The following ANKRD18B variants were observed in gnomAD, a reference collection of about 807,000 sequenced individuals.
The protein encoded by ANKRD18B is ankyrin repeat domain-containing protein 18B.
Under a neutral mutation model 111.8 loss-of-function variants are expected in ANKRD18B, and 75 were observed. That is an observed-to-expected ratio of 0.67 (90% confidence interval 0.56 to 0.81). The LOEUF is 0.81. Among genes scored for constraint, ANKRD18B ranks in the 40% least tolerant of loss-of-function variants. The probability of loss-of-function intolerance (pLI) is 0.00; values close to 1 mark genes in which losing one functional copy is unlikely to be tolerated. For synonymous variants in ANKRD18B, 356 were observed against 417.3 expected, an observed-to-expected ratio of 0.85 and a Z score of 1.79; for missense variants, 1,038 against 1,225.5, an observed-to-expected ratio of 0.85 and a Z score of 2.28.
rs1487353582 is a variant in ANKRD18B at position 33,548,628 on chromosome 9, G to A, written c.1840G>A (p.Glu614Lys). The change falls in exon 11 of 19, where the codon GAG becomes AAG. Residue 614 changes from glutamate (E) to lysine (K), a missense_variant. By Grantham distance (56) the Glu-to-Lys change is moderately conservative. This residue lies in a region of ANKRD18B where 524 missense variants were observed against 677.9 expected (regional missense o/e 0.77). Transcript: ENST00000684830. The part of the protein sequence containing the change: ...SQSIGKQNSS[E>K]ERIRQRELEN... ...ATCCATTGGAAAGCAGAACTCTTCA[G>A]AGGAGAGAATACGTCAACGAGAACT... 1 of 1,551,428 alleles carries A rather than the reference G, an allele frequency of 6.4e-7. No homozygotes were observed. The highest frequency in any genetic ancestry group is 1.2e-5 in the South Asian group (1 of 84,030).
At chr9:33,567,674 A>T (rs976111768) in intron 16 of ANKRD18B, among the ~76,000 whole-genome samples, 5 of 152,146 alleles carry the variant, frequency 3.3e-5, no homozygotes, top group Non-Finnish European at 7.4e-5. Context: ...AATGAGTTTA[A>T]TTTATTTTTT....
intron 17 of ANKRD18B, chr9:33,569,155 T>C (rs540962575): frequency 3.2e-6 from 1 of 310,152 alleles, no homozygotes; most frequent in East Asian, 6.1e-5. Context: ...AAAAGCTGCA[T>C]TTGTTAGGTT....
At chr9:33,533,884 CATT>C (rs57494608) in intron 4 of ANKRD18B, 22,438 of 127,780 alleles carry the variant, frequency 0.18, 1,351 homozygotes, top group East Asian at 0.26. Context: ...TTACCATTAT[CATT>C]ATTATTATTA....
downstream of ANKRD18B, among the ~76,000 whole-genome samples, chr9:33,573,468 T>C (rs1466197704): frequency 1.4e-5 from 2 of 144,756 alleles, no homozygotes; most frequent in African/African-American, 4.9e-5. Context: ...GTCTGCCAAA[T>C]GTCCCTCCCT....
chr9:33,564,994 C>T lies in ANKRD18B; in HGVS notation c.2461-1225C>T, dbSNP rs908331256. On this transcript the variant is annotated intron_variant, in intron 14 of 18. Coordinates refer to ENST00000684830, the MANE Select transcript of ANKRD18B (RefSeq NM_001393611.1). The stretch of plus-strand genomic sequence containing the variant: ...TGAATAGCTTGAAAATGTTTTCTTC[C>T]ATTCTACAGGTTTTCTCTTCACTCA... 2.0e-5 allele frequency among the ~76,000 whole-genome samples: 3 copies of T among 152,214 alleles called. No individual in the cohort carries two copies. In the South Asian group the frequency reaches 6.2e-4, roughly 32 times the overall value.
chr9:33,558,206 AT>A lies in ANKRD18B; in HGVS notation c.2460+23del, dbSNP rs1828555600. 6.3e-7 allele frequency: 1 copy of A among 1,590,742 alleles called. No homozygotes were observed. The highest frequency in any genetic ancestry group is 8.6e-7 in the Non-Finnish European group (1 of 1,168,952). ...ACAGAAGGTAATTTAAAAAATTATTATTTTATCTTAAGGTCTAGATTACATG... is the reference window on the plus strand; with the variant it reads ...ACAGAAGGTAATTTAAAAAATTATTATTTATCTTAAGGTCTAGATTACATG... On this transcript the variant is annotated intron_variant, in intron 14 of 18. Coordinates refer to ENST00000684830, the MANE Select transcript of ANKRD18B (RefSeq NM_001393611.1).
rs1828077589 is a variant in ANKRD18B, at chr9:33,529,320, A to G, written c.495+147A>G. 3.3e-6 allele frequency: 4 copies of G among 1,207,076 alleles called. No homozygotes were observed. The Admixed American group carries it at 9.1e-5, about 27-fold the overall frequency. The allele number at this position is 1,207,076 out of a possible 1,614,324, so 74.8% of individuals were successfully genotyped here. A position where few individuals can be genotyped will look rare whatever the true frequency, so the allele number is the denominator to read the frequency against. On this transcript the variant is annotated intron_variant, in intron 3 of 18. Coordinates refer to ENST00000684830, the MANE Select transcript of ANKRD18B (RefSeq NM_001393611.1). ...GTCTAAAATTTTACTTTAAATGTTG[A>G]TACTTTTAAAGGAGCATTAGAGGGC...
intron 10 of ANKRD18B, 29 bp downstream of exon 10, chr9:33,543,284 A>T: frequency 1.3e-6 from 2 of 1,521,580 alleles, no homozygotes; most frequent in African/African-American, 2.8e-5. Flanking sequence ...TTCTGGTTTA[A>T]TATTGGTTTG....
intron 8 of ANKRD18B, among the ~76,000 whole-genome samples, chr9:33,540,422 G>A (rs1027517807): frequency 1.3e-5 from 2 of 152,186 alleles, no homozygotes; most frequent in East Asian, 3.8e-4. Flanking sequence ...AGCAAATGTA[G>A]TTATATGATT....
chr9:33,540,799 C>T (rs1368708449), intron 8 of ANKRD18B, among the ~76,000 whole-genome samples: 3 of 151,980 alleles, frequency 2.0e-5, no homozygotes, highest in South Asian at 2.1e-4. Flanking sequence ...GTGTGAAAGC[C>T]GTCATAGGTA....
chr9:33,528,963 A>C (rs1483192584), intron 2 of ANKRD18B, 37 bp from the exon 3 acceptor site: 1 of 1,608,274 alleles, frequency 6.2e-7, no homozygotes, highest in Non-Finnish European at 8.5e-7. Flanking sequence ...TTGAATTCTT[A>C]GAATTTATAG....
intron 1 of ANKRD18B, among the ~76,000 whole-genome samples, chr9:33,527,232 T>C (rs1452584287): frequency 6.6e-6 from 1 of 152,232 alleles, no homozygotes; most frequent in Non-Finnish European, 1.5e-5. Flanking sequence ...ATATATTCTG[T>C]AAATCTTAAG....
At chr9:33,537,292 A>C (rs1418108844) in intron 6 of ANKRD18B, among the ~76,000 whole-genome samples, 18 of 152,150 alleles carry the variant, frequency 1.2e-4, no homozygotes, top group African/African-American at 4.3e-4. Context: ...GCAAGACTCT[A>C]TCTCCAAAGA....
chr9:33,524,992 G>A (rs144952206), intron 1 of ANKRD18B, among the ~76,000 whole-genome samples: 3,046 of 152,280 alleles, frequency 0.02, 86 homozygotes, highest in African/African-American at 0.068. Flanking sequence ...TTTTCAGTAG[G>A]CGAAGAGTTC....
intron 14 of ANKRD18B, among the ~76,000 whole-genome samples, chr9:33,564,569 GT>G (rs1243269322): frequency 2.0e-5 from 3 of 152,278 alleles, no homozygotes; most frequent in East Asian, 1.9e-4. Flanking sequence ...CAGTAGTGGG[GT>G]TGCTGGATCC....
intron 17 of ANKRD18B, 59 bp downstream of exon 17, chr9:33,568,952 T>C (rs1405378263): frequency 1.4e-6 from 2 of 1,414,710 alleles, no homozygotes; most frequent in South Asian, 1.5e-5. Flanking sequence ...TTCTTGTTTA[T>C]AATTTGGTGA....
chr9:33,525,149 A>G (rs1285906009), intron 1 of ANKRD18B, among the ~76,000 whole-genome samples: 2 of 152,164 alleles, frequency 1.3e-5, no homozygotes, highest in Non-Finnish European at 1.5e-5. Flanking sequence ...AGCTCTTAAT[A>G]TGTTTATCAG....
chr9:33,571,785 G>A (rs1828783389), intron 18 of ANKRD18B: 1 of 154,486 alleles, frequency 6.5e-6, no homozygotes. Context: ...AACTCCGCAG[G>A]GCTCTTTGTT....
rs1163797227 is a variant in ANKRD18B, at chr9:33,528,803, A to G, written c.283A>G (p.Asn95Asp). ...CTTGCTGGACAGAAAATGCCAGATCAACATCTGTGACAGACTAAACAGGAC... is the reference window on the plus strand; with the variant it reads ...CTTGCTGGACAGAAAATGCCAGATCGACATCTGTGACAGACTAAACAGGAC... ...TLLLDRKCQI[N>D]ICDRLNRTPL... Residue 95 changes from asparagine (N) to aspartate (D), a missense_variant, in exon 2 of 19, where the codon AAC (asparagine) becomes GAC (aspartate). Asn to Asp is a conservative substitution (Grantham distance 23, BLOSUM62 1). This residue lies in a region of ANKRD18B where 216 missense variants were observed against 205.1 expected (regional missense o/e 1.05). Coordinates refer to ENST00000684830, the MANE Select transcript of ANKRD18B (RefSeq NM_001393611.1). 4 of 1,612,416 alleles carry G rather than the reference A, an allele frequency of 2.5e-6. No homozygotes were observed. The highest frequency in any genetic ancestry group is 3.4e-6 in the Non-Finnish European group (4 of 1,179,196).
Sources: allele counts gnomAD v4.1 joint callset (sites outside exome capture counted in the v4.1 genomes callset), GRCh38; gene constraint gnomAD v4.1.1; regional missense constraint gnomAD v4.1.1; transcripts MANE v1.5; gene names NCBI Gene and HGNC (gene_info 2026-07-23, HGNC 2026-07-21).